The following KIF13A variants were observed in gnomAD, a reference collection of about 807,000 sequenced individuals.
The protein encoded by KIF13A is kinesin family member 13A.
Under a neutral mutation model 212.2 loss-of-function variants are expected in KIF13A, and 79 were observed. The observed-to-expected ratio is 0.37, with a 90% CI of 0.31 to 0.45. The LOEUF (loss-of-function observed/expected upper bound fraction) is 0.45, where lower values mean the gene tolerates loss of function less well. Ranked by LOEUF, KIF13A falls within the 20% of genes least tolerant of loss-of-function variation. The pLI is 1.00. For missense variants in KIF13A, 1,901 were observed against 2,209.0 expected (o/e 0.86, Z 2.79); for synonymous variants, 789 against 808.6 (o/e 0.98, Z 0.41).
Position 17,809,316 on chromosome 6 carries a change from TAGG to T in KIF13A, c.2001-389_2001-387del, listed in dbSNP as rs1763235390. Among the ~76,000 whole-genome samples the T allele has an allele frequency of 6.6e-6, 1 of 152,138 alleles. No homozygotes were observed. Among genetic ancestry groups the T allele is most frequent in the East Asian group, 1.9e-4 (1 of 5,192 alleles). On this transcript the variant is annotated intron_variant, in intron 17 of 38. Coordinates refer to ENST00000259711, the MANE Select transcript of KIF13A (RefSeq NM_022113.6). The surrounding 1 kb of genome is among the most constrained non-coding windows in gnomAD (Gnocchi z 4.7). The stretch of plus-strand genomic sequence containing the variant: ...TTGGCAGATGAGAGAAACCTGGAGT[TAGG>T]AGAAGAAATTATTTTTCATGACTTC...
chr6:17,912,615 G>A lies in KIF13A; in HGVS notation c.147-14435C>T, dbSNP rs747980995. ...TCTTTATTTGGGACATGCCACCCTT[G>A]TTGAGTTTTATCATGCATCTTCAAG... On this transcript the variant is annotated intron_variant, in intron 2 of 38. Coordinates refer to ENST00000259711, the MANE Select transcript of KIF13A (RefSeq NM_022113.6). The surrounding 1 kb of genome is among the most constrained non-coding windows in gnomAD (Gnocchi z 4.2). Among the ~76,000 whole-genome samples, 3 of 152,126 alleles carry A rather than the reference G, an allele frequency of 2.0e-5. No individual in the cohort carries two copies. Among genetic ancestry groups the A allele is most frequent in the Non-Finnish European group, 4.4e-5 (3 of 68,026 alleles).
At chr6:17,966,852 G>A (rs138272516) in intron 2 of KIF13A, among the ~76,000 whole-genome samples, 94 of 152,154 alleles carry the variant, frequency 6.2e-4, no homozygotes, top group Non-Finnish European at 9.6e-4. Flanking sequence ...TACTCAAAGC[G>A]TATTATTTAT....
chr6:17,928,057 T>C (rs1307718102), intron 2 of KIF13A, among the ~76,000 whole-genome samples: 1 of 152,088 alleles, frequency 6.6e-6, no homozygotes, highest in Non-Finnish European at 1.5e-5. Flanking sequence ...TGCGAGAAAA[T>C]GCAATATATG....
In KIF13A at chr6:17,772,752, A is replaced by C. The variant is rs2150294158; in HGVS notation, c.4325-693T>G. On this transcript the variant is annotated intron_variant, in intron 36 of 38. Coordinates refer to ENST00000259711, the MANE Select transcript of KIF13A (RefSeq NM_022113.6). The surrounding 1 kb of genome is among the most constrained non-coding windows in gnomAD (Gnocchi z 4.8). ...TCCATAGTTATAAGACAGAAAGTAG[A>C]GGCTCAATAAATATTCAATGAATTA... is the stretch of plus-strand genomic sequence containing the variant. 6.6e-6 allele frequency among the ~76,000 whole-genome samples: 1 copy of C among 152,356 alleles called. No individual in the cohort carries two copies. The highest frequency in any genetic ancestry group is 2.1e-4 in the South Asian group (1 of 4,832).
chr6:17,815,473 C>A, intron 17 of KIF13A: 2 of 186,646 alleles, frequency 1.1e-5, no homozygotes, highest in South Asian at 9.1e-5. Context: ...CCAAGGCCCG[C>A]TAGGTAATGG....
chr6:17,774,934 G>A lies in KIF13A; in HGVS notation c.4218+81C>T. 3.7e-6 allele frequency: 4 copies of A among 1,083,146 alleles called. No individual in the cohort carries two copies. In the East Asian group the frequency reaches 1.0e-4, roughly 28 times the overall value. The allele number at this position is 1,083,146 out of a possible 1,614,324, so 67.1% of individuals were successfully genotyped here. On this transcript the variant is annotated intron_variant, in intron 35 of 38. Coordinates refer to ENST00000259711, the MANE Select transcript of KIF13A (RefSeq NM_022113.6). The stretch of plus-strand genomic sequence containing the variant: ...GACAGGATCAACCAGGTGAGGCCCA[G>A]AGATTTTAAAAACACCAAGATCCCA...
chr6:17,774,120 GCTTA>G (rs1759731836), intron 35 of KIF13A, among the ~76,000 whole-genome samples: 1 of 152,324 alleles, frequency 6.6e-6, no homozygotes, highest in South Asian at 2.1e-4. Flanking sequence ...TATCATACGA[GCTTA>G]CTTAATCTTA....
chr6:17,884,979 C>T (rs1246220978), intron 3 of KIF13A, among the ~76,000 whole-genome samples: 1 of 152,190 alleles, frequency 6.6e-6, no homozygotes, highest in African/African-American at 2.4e-5. Flanking sequence ...CATTTCACCA[C>T]ACCATGTTAT....
At position 17,961,909 on chromosome 6, in the gene KIF13A, A is replaced by G. The variant is rs142312881; in HGVS notation, c.146+25145T>C. 7.4e-4 allele frequency among the ~76,000 whole-genome samples: 112 copies of G among 152,276 alleles called. 1 individual carries two copies. In the East Asian group the frequency reaches 0.019, roughly 25 times the overall value. The stretch of plus-strand genomic sequence containing the variant: ...ACATTGTCTATTTTCCACATCTTAA[A>G]ATTTCAGAATTGGGATACATTTGAC... On this transcript the variant is annotated intron_variant, in intron 2 of 38. Transcript: ENST00000259711. This position sits in a 1 kb window ranked among gnomAD's most constrained non-coding sequence, Gnocchi z 4.1.
chr6:17,802,517 G>A (rs1168869138), intron 20 of KIF13A, among the ~76,000 whole-genome samples: 5 of 151,820 alleles, frequency 3.3e-5, no homozygotes, highest in African/African-American at 1.2e-4. Context: ...CTCGAACACC[G>A]GACCTCAGGT....
chr6:17,916,883 A>T (rs2150513348), intron 2 of KIF13A, among the ~76,000 whole-genome samples: 1 of 152,348 alleles, frequency 6.6e-6, no homozygotes, highest in South Asian at 2.1e-4. Context: ...GTACTGCATT[A>T]GCAACTTAGT....
chr6:17,890,668 C>T (rs1488171295), intron 3 of KIF13A, among the ~76,000 whole-genome samples: 1 of 151,078 alleles, frequency 6.6e-6, no homozygotes, highest in Non-Finnish European at 1.5e-5. Context: ...TTGCTGTCAC[C>T]CAGGCTAGAG....
At chr6:17,795,056 T>C (rs1283515533) in intron 23 of KIF13A, 1 of 202,458 alleles carries the variant, frequency 4.9e-6, no homozygotes, top group Admixed American at 5.4e-5. Flanking sequence ...AGATTAGTTT[T>C]GCCTGTTCTA....
In KIF13A at chr6:17,934,022, G is replaced by C. The variant is rs1776239133; in HGVS notation, c.147-35842C>G. ...ATATTTTCTCTCACAGATAAAGAAA[G>C]CTGCCTTTTATAACTCAATTCAATC... On this transcript the variant is annotated intron_variant, in intron 2 of 38. Coordinates refer to ENST00000259711, the MANE Select transcript of KIF13A (RefSeq NM_022113.6). The surrounding 1 kb of genome is among the most constrained non-coding windows in gnomAD (Gnocchi z 5.4). Among the ~76,000 whole-genome samples, 1 of 152,182 alleles carries C rather than the reference G, an allele frequency of 6.6e-6. No homozygotes were observed. The highest frequency in any genetic ancestry group is 2.4e-5 in the African/African-American group (1 of 41,438).
intron 2 of KIF13A, among the ~76,000 whole-genome samples, chr6:17,960,163 T>G (rs1778691847): frequency 6.6e-6 from 1 of 152,134 alleles, no homozygotes; most frequent in Non-Finnish European, 1.5e-5. Flanking sequence ...TGGGGAAATT[T>G]TAGGAGTTAA....
At chr6:17,788,110 A>G (rs1302506925) in intron 26 of KIF13A, among the ~76,000 whole-genome samples, 2 of 152,190 alleles carry the variant, frequency 1.3e-5, no homozygotes, top group African/African-American at 2.4e-5. Context: ...GGATAATTAT[A>G]CTTAAAAGCA....
chr6:17,929,591 G>A (rs1438930402), intron 2 of KIF13A, among the ~76,000 whole-genome samples: 4 of 151,948 alleles, frequency 2.6e-5, no homozygotes, highest in Non-Finnish European at 4.4e-5. Context: ...TAGTAGAGAC[G>A]GGGTTTCACC....
In KIF13A at chr6:17,859,633, TA is replaced by T. The variant is rs1168481205; in HGVS notation, c.221-3512del. ...TGGCAATGTATTTTATATATATATA[TA>T]TATATTTTTTTTTTTTTTTTGAGAC... On this transcript the variant is annotated intron_variant, in intron 4 of 38. Transcript: ENST00000259711. Among the ~76,000 whole-genome samples the T allele has an allele frequency of 4.0e-3, 434 of 108,150 alleles. 3 individuals carry two copies. The highest frequency in any genetic ancestry group is 0.019 in the African/African-American group (392 of 21,186). 71.0% of individuals were successfully genotyped at this position (108,150 alleles called of 152,430 possible).
rs1286073798 is a variant in KIF13A, at chr6:17,961,774, T to C, written c.146+25280A>G. ...AAGATGTCCACCTCCAGCAACGACA[T>C]AGACTGCAGCGCACACCAGGCGTCT... On this transcript the variant is annotated intron_variant, in intron 2 of 38. Coordinates refer to ENST00000259711, the MANE Select transcript of KIF13A (RefSeq NM_022113.6). The surrounding 1 kb of genome is among the most constrained non-coding windows in gnomAD (Gnocchi z 4.1). 6.6e-6 allele frequency among the ~76,000 whole-genome samples: 1 copy of C among 152,318 alleles called. No individual in the cohort carries two copies. The highest frequency in any genetic ancestry group is 2.1e-4 in the South Asian group (1 of 4,826).
Sources: gnomAD v4.1 joint callset for allele counts (sites outside exome capture counted in the v4.1 genomes callset) on GRCh38, gnomAD v4.1.1 for gene constraint, Gnocchi (gnomAD v3.1) non-coding constraint, MANE v1.5 for transcripts, NCBI Gene and HGNC (gene_info 2026-07-23, HGNC 2026-07-21) for gene names.